ITPA: variants seen among roughly 807,000 people sequenced by gnomAD.
ITPA encodes the protein inosine triphosphatase, also known as inosine triphosphate pyrophosphatase.
A neutral mutation model predicts 29.6 loss-of-function variants in ITPA; 29 were observed. That is an observed-to-expected ratio of 0.98 (90% CI 0.73 to 1.34). The LOEUF (loss-of-function observed/expected upper bound fraction) is 1.34. Ranked by LOEUF, ITPA falls within the 40% of genes most tolerant of loss-of-function variation. The pLI is 0.00. For synonymous variants in ITPA, 103 were observed against 99.3 expected, an observed-to-expected ratio of 1.04 and a Z score of -0.22; for missense variants, 241 against 251.5, an observed-to-expected ratio of 0.96 and a Z score of 0.28.
At chr20:3,204,092 G>A (rs2067054521), upstream of ITPA, among the ~76,000 whole-genome samples, 1 of 152,162 alleles carries the variant, frequency 6.6e-6, no homozygotes, top group African/African-American at 2.4e-5. Flanking sequence ...TCCTGGAGCC[G>A]CCTCGCGCTT....
At chr20:3,204,504 T>A (rs1354717678), upstream of ITPA, 31 of 1,537,962 alleles carry the variant, frequency 2.0e-5, no homozygotes, top group Non-Finnish European at 2.7e-5. Context: ...GAAAACCCGG[T>A]ACCACCAACC....
At position 3,223,402 on chromosome 20, in the gene ITPA, C is replaced by G; in HGVS notation, c.525C>G (p.Val175=). Residue 175 remains valine, a synonymous_variant, in exon 8 of 8, where the codon GTC becomes GTG. Coordinates refer to ENST00000380113, the MANE Select transcript of ITPA (RefSeq NM_033453.4). The part of the protein sequence containing the change: ...AEMPKAEKNA[V]SHRFRALLEL... ...TGCCTAAGGCGGAGAAGAACGCTGT[C>G]TCCCATCGCTTCCGGGCCCTGCTGG... The G allele has an allele frequency of 6.2e-7, 1 of 1,613,932 alleles. No homozygotes were observed. Among genetic ancestry groups the G allele is most frequent in the South Asian group, 1.1e-5 (1 of 91,018 alleles).
chr20:3,208,396 A>T (rs953297993), upstream of ITPA, among the ~76,000 whole-genome samples: 42 of 151,960 alleles, frequency 2.8e-4, no homozygotes, highest in Non-Finnish European at 7.4e-5. Context: ...TCTTTTTCAG[A>T]CGCAGTTTTG....
chr20:3,211,354 C>T lies in ITPA; in HGVS notation c.66+1737C>T, dbSNP rs551037890. On this transcript the variant is annotated intron_variant, in intron 1 of 7. Coordinates refer to ENST00000380113, the MANE Select transcript of ITPA (RefSeq NM_033453.4). ...TTAATTTTTGTATTTTTAGTAGAAA[C>T]GGGATTTCGTCATGTTGGCCAGACT... Among the ~76,000 whole-genome samples, 18 of 151,358 alleles carry T rather than the reference C, an allele frequency of 1.2e-4. No homozygotes were observed. In the South Asian group the frequency reaches 2.1e-3, roughly 18 times the overall value.
chr20:3,209,478 C>T, upstream of ITPA: 2 of 1,385,800 alleles, frequency 1.4e-6, no homozygotes, highest in Non-Finnish European at 2.0e-6. The surrounding 1 kb of genome is among the most constrained non-coding windows in gnomAD (Gnocchi z 4.6). Context: ...TTCACTTCCG[C>T]CACCAGCCGG....
intron 5 of ITPA, 76 bp downstream of exon 5, chr20:3,215,388 C>G (rs1383948545): frequency 2.9e-6 from 4 of 1,385,280 alleles, no homozygotes; most frequent in Non-Finnish European, 4.1e-6. Flanking sequence ...GGGACCCCAA[C>G]TAGTAATCAG....
In ITPA at chr20:3,221,899, C is replaced by T; in HGVS notation, c.470C>T (p.Pro157Leu). The change falls in exon 7 of 8, where the codon CCT becomes CTT. Residue 157 changes from proline to leucine, a missense_variant. Coordinates refer to ENST00000380113, the MANE Select transcript of ITPA (RefSeq NM_033453.4). Reference protein sequence around the residue: ...QDFGWDPCFQPDGYEQTYAEM... With the variant: ...QDFGWDPCFQLDGYEQTYAEM... ...TTTGGCTGGGACCCCTGCTTTCAGC[C>T]TGATGGATATGAGCAGACGTAAGGA... 6.2e-7 allele frequency: 1 copy of T among 1,614,056 alleles called. No homozygotes were observed.
At chr20:3,218,744 G>A in intron 6 of ITPA, 112 bp downstream of exon 6, 1 of 764,642 alleles carries the variant, frequency 1.3e-6, no homozygotes, top group Non-Finnish European at 2.3e-6. Flanking sequence ...CTTGGGGCCA[G>A]AGATATCTGT....
In ITPA at chr20:3,213,786, C is replaced by A. The variant is rs116211143; in HGVS notation, c.190-199C>A. 1.8e-3 allele frequency among the ~76,000 whole-genome samples: 270 copies of A among 152,328 alleles called. 1 individual carries two copies. Among genetic ancestry groups the A allele is most frequent in the African/African-American group, 6.3e-3 (260 of 41,578 alleles). ...TGTGCCTGGAGCAAGCTTTAACAATCGGCCAAAGCTTGGTGTCCTCATAAG... is the reference window on the plus strand; with the variant it reads ...TGTGCCTGGAGCAAGCTTTAACAATAGGCCAAAGCTTGGTGTCCTCATAAG... On this transcript the variant is annotated intron_variant, in intron 3 of 7. Coordinates refer to ENST00000380113, the MANE Select transcript of ITPA (RefSeq NM_033453.4).
intron 3 of ITPA, 38 bp downstream of exon 3, chr20:3,213,421 G>A (rs551410988): frequency 1.2e-6 from 2 of 1,612,566 alleles, no homozygotes; most frequent in African/African-American, 2.7e-5. Flanking sequence ...TGCTCTTCTT[G>A]TCCAGGTAGC....
In ITPA at chr20:3,215,244, G is replaced by C. The variant is rs761362232; in HGVS notation, c.264-37G>C. On this transcript the variant is annotated intron_variant, in intron 4 of 7. Transcript: ENST00000380113. ...GAAAAGGTGGTAAGAAGATCCAGCT[G>C]CTCCTGGTGTCTGACTGTCCTTTCT... 3.1e-6 allele frequency: 5 copies of C among 1,609,538 alleles called. No homozygotes were observed. The African/African-American group carries it at 6.7e-5, about 22-fold the overall frequency.
At position 3,223,817 on chromosome 20, in the gene ITPA, G is replaced by A. The variant is rs1447739333; in HGVS notation, c.*355G>A. On this transcript the variant is annotated 3_prime_UTR_variant, in exon 8 of 8. Transcript: ENST00000380113. Reference sequence around the variant, plus strand: ...TTAAATGCAGTAAATAACATTTCTGGATGAGACTTGTTTCCAAAATAAACC... The same window carrying A: ...TTAAATGCAGTAAATAACATTTCTGAATGAGACTTGTTTCCAAAATAAACC... 3.4e-6 allele frequency: 1 copy of A among 293,586 alleles called. No individual in the cohort carries two copies. 18.2% of individuals were successfully genotyped at this position (293,586 alleles called of 1,614,324 possible). A position where few individuals can be genotyped will look rare whatever the true frequency, so the allele number is the denominator to read the frequency against.
chr20:3,223,562 G>C lies in ITPA; in HGVS notation c.*100G>C. 1 of 900,280 alleles carries C rather than the reference G, an allele frequency of 1.1e-6. No individual in the cohort carries two copies. 55.8% of individuals were successfully genotyped at this position (900,280 alleles called of 1,614,324 possible). A position where few individuals can be genotyped will look rare whatever the true frequency, so the allele number is the denominator to read the frequency against. On this transcript the variant is annotated 3_prime_UTR_variant, in exon 8 of 8. Coordinates refer to ENST00000380113, the MANE Select transcript of ITPA (RefSeq NM_033453.4). ...GCACCCCCTGAAGTACTTCCTTCAG[G>C]GTTTCCCCTTTGTGAGGGTGTCGAG...
At position 3,214,673 on chromosome 20, in the gene ITPA, G is replaced by A. The variant is rs544873858; in HGVS notation, c.264-608G>A. Among the ~76,000 whole-genome samples, 5 of 151,804 alleles carry A rather than the reference G, an allele frequency of 3.3e-5. No homozygotes were observed. In the South Asian group the frequency reaches 8.3e-4, roughly 25 times the overall value. On this transcript the variant is annotated intron_variant, in intron 4 of 7. Coordinates refer to ENST00000380113, the MANE Select transcript of ITPA (RefSeq NM_033453.4). ...CCGCTAACTGCAAGCTCTGCCTCCC[G>A]GGTTCACGCCATTCTCCTGTCTCAG...
chr20:3,207,349 G>C (rs1286043907), upstream of ITPA, among the ~76,000 whole-genome samples: 1 of 152,124 alleles, frequency 6.6e-6, no homozygotes, highest in Non-Finnish European at 1.5e-5. Flanking sequence ...GCCCAAGCTA[G>C]TTATCTTACA....
upstream of ITPA, chr20:3,209,348 G>C: frequency 1.5e-6 from 1 of 656,022 alleles, no homozygotes; most frequent in African/African-American, 1.8e-5. The surrounding 1 kb of genome is among the most constrained non-coding windows in gnomAD (Gnocchi z 4.6). Flanking sequence ...CTCCAGGCTC[G>C]GGAGGCCCCC....
At chr20:3,210,504 C>T (rs2067147270) in intron 1 of ITPA, among the ~76,000 whole-genome samples, 1 of 152,186 alleles carries the variant, frequency 6.6e-6, no homozygotes, top group Non-Finnish European at 1.5e-5. Context: ...ATGACACCCA[C>T]TGGATATGTC....
chr20:3,221,234 T>G (rs2067455442), intron 6 of ITPA, among the ~76,000 whole-genome samples: 1 of 151,340 alleles, frequency 6.6e-6, no homozygotes, highest in African/African-American at 2.4e-5. Context: ...TTTACTTTGA[T>G]AACAACATGA....
chr20:3,225,652 G>C (rs1342441828), downstream of ITPA, among the ~76,000 whole-genome samples: 1 of 152,170 alleles, frequency 6.6e-6, no homozygotes, highest in Non-Finnish European at 1.5e-5. Context: ...AAGCCAGTAG[G>C]GTGGGGCTGA....
Sources: gnomAD v4.1 joint callset for allele counts (sites outside exome capture counted in the v4.1 genomes callset) on GRCh38, gnomAD v4.1.1 for gene constraint, Gnocchi (gnomAD v3.1) non-coding constraint, MANE v1.5 for transcripts, NCBI Gene and HGNC (gene_info 2026-07-23, HGNC 2026-07-21) for gene names.